Variants in GABRR1 observed in about 807,000 individuals in gnomAD.
GABRR1 encodes gamma-aminobutyric acid type A receptor subunit rho1, also known as gamma-aminobutyric acid receptor subunit rho-1.
GABRR1 carries 59 observed loss-of-function variants against 55.5 expected under a neutral mutation model. The observed-to-expected ratio is 1.06, with a 90% CI of 0.86 to 1.32. The LOEUF (loss-of-function observed/expected upper bound fraction) is 1.32. GABRR1 is among the 40% of genes most tolerant of loss of function. GABRR1 has a pLI of 0.00. For missense variants in GABRR1, 602 were observed against 619.1 expected (o/e 0.97, Z 0.29); for synonymous variants, 213 against 226.0 (o/e 0.94, Z 0.51).
rs11449903 is a variant in GABRR1, at chr6:89,200,584, A to ATT, written c.280+573_280+574dup. On this transcript the variant is annotated intron_variant, in intron 3 of 9. Coordinates refer to ENST00000454853, the MANE Select transcript of GABRR1 (RefSeq NM_002042.5). ...GCCGAGAATGATTTTTAAAATGAGT[A>ATT]TTTTTTTTTCCAGGAAAATAAACCC... 2.0e-3 allele frequency among the ~76,000 whole-genome samples: 307 copies of ATT among 150,800 alleles called. 2 individuals carry two copies. Among genetic ancestry groups the ATT allele is most frequent in the East Asian group, 7.6e-3 (39 of 5,112 alleles).
At chr6:89,200,492 G>A (rs1161571668) in intron 3 of GABRR1, among the ~76,000 whole-genome samples, 1 of 151,832 alleles carries the variant, frequency 6.6e-6, no homozygotes, top group African/African-American at 2.4e-5. Context: ...CAGGCAATCT[G>A]CCCACCTCAG....
intron 9 of GABRR1, among the ~76,000 whole-genome samples, chr6:89,179,740 G>A (rs1771657604): frequency 6.6e-6 from 1 of 152,194 alleles, no homozygotes; most frequent in African/African-American, 2.4e-5. Flanking sequence ...GATTGGTATT[G>A]TGGGGATAGA....
chr6:89,226,529 C>T (rs1224846530), intron 1 of GABRR1, among the ~76,000 whole-genome samples: 1 of 151,830 alleles, frequency 6.6e-6, no homozygotes, highest in East Asian at 1.9e-4. Flanking sequence ...GGAATCCTTT[C>T]CCCATTGCTT....
chr6:89,204,479 A>C (rs2127801940), intron 1 of GABRR1: 1 of 358,150 alleles, frequency 2.8e-6, no homozygotes, highest in South Asian at 2.6e-5. Flanking sequence ...GTGGACCCTC[A>C]ATACCTATTA....
Position 89,181,912 on chromosome 6 carries a change from G to A in GABRR1, c.942C>T (p.Val314=), listed in dbSNP as rs1771733645. ...WIDRRAVPAR[V]PLGITTVLTM... ...ACTTGAGGTATTCCTTACCTAAGGG[G>A]ACTCTGGCAGGCACGGCTCTGCGGT... The change falls in exon 8 of 10, where the codon GTC becomes GTT. Residue 314 remains valine (V), a synonymous_variant. Coordinates refer to ENST00000454853, the MANE Select transcript of GABRR1 (RefSeq NM_002042.5). The A allele has an allele frequency of 6.2e-7, 1 of 1,612,218 alleles. No homozygotes were observed. Among genetic ancestry groups the A allele is most frequent in the Non-Finnish European group, 8.5e-7 (1 of 1,178,980 alleles).
intron 2 of GABRR1, among the ~76,000 whole-genome samples, chr6:89,201,713 A>G (rs1197152096): frequency 6.6e-6 from 1 of 151,504 alleles, no homozygotes; most frequent in African/African-American, 2.4e-5. Context: ...CAGGAGGCAG[A>G]GCTTGCAGTG....
intron 1 of GABRR1, among the ~76,000 whole-genome samples, chr6:89,210,360 A>T (rs907293721): frequency 6.6e-6 from 1 of 151,446 alleles, no homozygotes. Context: ...CACCTGGCTA[A>T]TTTTGCTTGT....
chr6:89,181,927 GGCTCT>G lies in GABRR1; in HGVS notation c.922_926del (p.Val310CysfsTer92). ...TACCTAAGGGGACTCTGGCAGGCAC[GGCTCT>G]GCGGTCGATCCAGAAGGACACCCAG... is the stretch of plus-strand genomic sequence containing the variant. On this transcript the variant is annotated frameshift_variant, in exon 8 of 10. Coordinates refer to ENST00000454853, the MANE Select transcript of GABRR1 (RefSeq NM_002042.5). LOFTEE classifies it high-confidence loss of function. The G allele has an allele frequency of 6.2e-7, 1 of 1,613,226 alleles. No homozygotes were observed. Among genetic ancestry groups the G allele is most frequent in the Non-Finnish European group, 8.5e-7 (1 of 1,179,502 alleles).
chr6:89,183,358 G>A (rs565615895), intron 7 of GABRR1, among the ~76,000 whole-genome samples: 5 of 152,298 alleles, frequency 3.3e-5, no homozygotes, highest in African/African-American at 1.2e-4. Context: ...GTTCCTCCAA[G>A]GAACCAATAC....
chr6:89,217,231 C>T lies in GABRR1; in HGVS notation c.92G>A (p.Arg31Lys), dbSNP rs766970661. The change falls in exon 1 of 10, where the codon AGA becomes AAA. Residue 31 changes from arginine to lysine, a missense_variant. Arg to Lys is a conservative substitution (Grantham distance 26). Coordinates refer to ENST00000454853, the MANE Select transcript of GABRR1 (RefSeq NM_002042.5). ...TTTCTTAGACATCTCGTGGACTTCT[C>T]TTCCGGGCCAGTGCATTCTGCTTTC... Reference protein sequence around the residue: ...ATESRMHWPGREVHEMSKKGR... With the variant: ...ATESRMHWPGKEVHEMSKKGR... The T allele has an allele frequency of 5.6e-6, 9 of 1,614,018 alleles. No homozygotes were observed. The South Asian group carries it at 8.8e-5, about 16-fold the overall frequency.
At chr6:89,214,964 T>G (rs1772941580) in intron 1 of GABRR1, among the ~76,000 whole-genome samples, 1 of 152,096 alleles carries the variant, frequency 6.6e-6, no homozygotes, top group Non-Finnish European at 1.5e-5. Context: ...TACAATCCAG[T>G]TTAGGTAACA....
At chr6:89,223,457 C>T (rs1433296169) in intron 1 of GABRR1, among the ~76,000 whole-genome samples, 3 of 152,170 alleles carry the variant, frequency 2.0e-5, no homozygotes, top group African/African-American at 7.2e-5. Context: ...GATTGTTGGG[C>T]ATTTGGGCTG....
Position 89,184,885 on chromosome 6 carries a change from CT to C in GABRR1, c.796+424del, listed in dbSNP as rs754802888. On this transcript the variant is annotated intron_variant, in intron 7 of 9. Transcript: ENST00000454853. Reference sequence around the variant, plus strand: ...TTTCTGCCTTTAGTTTCTTTTCTTTCTTTTTTTTTTTTTTTTTTGAGGCAGG... The same window carrying C: ...TTTCTGCCTTTAGTTTCTTTTCTTTCTTTTTTTTTTTTTTTTTGAGGCAGG... Among the ~76,000 whole-genome samples the C allele has an allele frequency of 7.2e-3, 894 of 123,696 alleles. 11 individuals are homozygous for C. Among genetic ancestry groups the C allele is most frequent in the African/African-American group, 0.023 (773 of 32,952 alleles). 81.1% of individuals were successfully genotyped at this position (123,696 alleles called of 152,430 possible). A position where few individuals can be genotyped will look rare whatever the true frequency, so the allele number is the denominator to read the frequency against.
upstream of GABRR1, among the ~76,000 whole-genome samples, chr6:89,220,614 GA>G (rs1773100169): frequency 6.6e-6 from 1 of 152,224 alleles, no homozygotes; most frequent in Non-Finnish European, 1.5e-5. Context: ...CAAGGATGTA[GA>G]AGGGAGTTGT....
intron 1 of GABRR1, among the ~76,000 whole-genome samples, chr6:89,206,348 C>T (rs1407635694): frequency 2.6e-5 from 4 of 152,150 alleles, no homozygotes; most frequent in African/African-American, 9.7e-5. Flanking sequence ...CCCACTCTGC[C>T]CCCAACTTCT....
At chr6:89,198,314 C>T in intron 4 of GABRR1, 71 bp from the exon 5 acceptor site, 2 of 1,124,462 alleles carry the variant, frequency 1.8e-6, no homozygotes, top group Admixed American at 3.4e-5. Flanking sequence ...TCTGTAGCCC[C>T]TGTGGAGCCA....
At chr6:89,191,133 C>T (rs1289545816) in intron 5 of GABRR1, among the ~76,000 whole-genome samples, 2 of 152,176 alleles carry the variant, frequency 1.3e-5, no homozygotes, top group Non-Finnish European at 1.5e-5. Context: ...AAAGAACATT[C>T]TTGAAATGGA....
rs1772364478 is a variant in GABRR1 at position 89,198,261 on chromosome 6, G to A, written c.349-18C>T. ...GTAAAGTCCTGGGAGCAGAAGGGCA[G>A]AGAGGGAACCCCAGACACACACAAA... is the stretch of plus-strand genomic sequence containing the variant. On this transcript the variant is annotated intron_variant, in intron 4 of 9. Transcript: ENST00000454853. 2 of 1,566,820 alleles carry A rather than the reference G, an allele frequency of 1.3e-6. No individual in the cohort carries two copies. Among genetic ancestry groups the A allele is most frequent in the Non-Finnish European group, 1.8e-6 (2 of 1,137,180 alleles).
chr6:89,184,015 C>G (rs445850), intron 7 of GABRR1, among the ~76,000 whole-genome samples: 42,078 of 151,776 alleles, frequency 0.28, 5,989 homozygotes, highest in Middle Eastern at 0.32. Context: ...TGAGGTGGGC[C>G]AATCATTTGA....
Sources: gnomAD v4.1 joint callset for allele counts (sites outside exome capture counted in the v4.1 genomes callset) on GRCh38, gnomAD v4.1.1 for gene constraint, MANE v1.5 for transcripts, NCBI Gene and HGNC (gene_info 2026-07-23, HGNC 2026-07-21) for gene names.